The following BTK variants were observed in gnomAD, a reference collection of about 807,000 sequenced individuals.
BTK encodes tyrosine-protein kinase BTK.
In BTK, 5 loss-of-function variants were observed where a neutral mutation model predicts 57.4. That is an observed-to-expected ratio of 0.09 (90% CI 0.05 to 0.18). The LOEUF is 0.18. BTK is among the 10% of genes least tolerant of loss of function. The pLI is 1.00. For synonymous variants in BTK, 154 were observed against 174.3 expected (o/e 0.88, Z 0.92); for missense variants, 194 against 501.2 (o/e 0.39, Z 5.85).
intron 18 of BTK, among the ~76,000 whole-genome samples, chrX:101,352,126 G>T (rs1926308153): frequency 9.9e-6 from 1 of 100,994 alleles, no homozygotes; most frequent in African/African-American, 3.8e-5. Flanking sequence ...TCACGCCACT[G>T]CACTCCAGCC....
At chrX:101,375,352 A>G in intron 1 of BTK, 38 bp from the exon 2 acceptor site, 1 of 1,164,558 alleles carries the variant, frequency 8.6e-7, no homozygotes, top group Non-Finnish European at 1.2e-6. Flanking sequence ...CCAGGACATT[A>G]ATCCTCATCC....
chrX:101,376,115 A>G (rs956422303), intron 1 of BTK, among the ~76,000 whole-genome samples: 1 of 111,048 alleles, frequency 9.0e-6, no homozygotes, highest in African/African-American at 3.3e-5. Flanking sequence ...AACACAACTT[A>G]TTTAGCCTCC....
intron 7 of BTK, among the ~76,000 whole-genome samples, chrX:101,361,521 A>AAT: frequency 1.8e-5 from 2 of 110,690 alleles, no homozygotes; most frequent in Admixed American, 1.9e-4. Context: ...CCAAAAAAAA[A>AAT]AAAAAAACTT....
At chrX:101,390,480 C>T, upstream of BTK, 1 of 515,448 alleles carries the variant, frequency 1.9e-6, no homozygotes, top group South Asian at 2.5e-5. Context: ...TACTGTACCT[C>T]TCCCCCGGAA....
intron 16 of BTK, 99 bp from the exon 17 acceptor site, chrX:101,354,087 G>C (rs962742749): frequency 2.8e-5 from 18 of 633,619 alleles, no homozygotes; most frequent in South Asian, 9.1e-5. Context: ...ACACACACAG[G>C]CTTTCTCAAA....
intron 3 of BTK, among the ~76,000 whole-genome samples, chrX:101,372,650 T>C (rs555558064): frequency 9.3e-5 from 10 of 107,311 alleles, no homozygotes; most frequent in South Asian, 4.4e-4. Flanking sequence ...GGTTTCACCA[T>C]GTTGGTCAGG....
intron 9 of BTK, among the ~76,000 whole-genome samples, 192 bp from the exon 10 acceptor site, chrX:101,359,539 G>GGA (rs1321812608): frequency 4.9e-4 from 55 of 111,870 alleles, no homozygotes; most frequent in African/African-American, 1.7e-3. Flanking sequence ...TCATGGAAAT[G>GGA]GAGAGTAGCA....
Position 101,356,925 on chromosome X carries a change from G to A in BTK, c.1208C>T (p.Thr403Ile), listed in dbSNP as rs1169941199. ...GSWEIDPKDL[T>I]FLKELGTGQF... ...TCCAGTCCCCAGCTCCTTCAAGAAGGTCAGGTCCTTTGGATCAATTTCCCA... is the reference window on the plus strand; with the variant it reads ...TCCAGTCCCCAGCTCCTTCAAGAAGATCAGGTCCTTTGGATCAATTTCCCA... The change falls in exon 14 of 19, where the codon ACC becomes ATC. Residue 403 changes from threonine (T) to isoleucine (I), a missense_variant. By Grantham distance (89) the Thr-to-Ile change is moderately conservative. Transcript: ENST00000308731. The A allele has an allele frequency of 1.7e-6, 2 of 1,210,370 alleles. No individual in the cohort carries two copies. Among genetic ancestry groups the A allele is most frequent in the Admixed American group, 2.2e-5 (1 of 45,737 alleles).
At chrX:101,358,911 G>A (rs191579467) in intron 10 of BTK, among the ~76,000 whole-genome samples, 1 of 111,888 alleles carries the variant, frequency 8.9e-6, no homozygotes, top group African/African-American at 3.2e-5. Flanking sequence ...GCCGAGGTGG[G>A]CGGATCACCT....
intron 3 of BTK, among the ~76,000 whole-genome samples, chrX:101,372,375 C>A (rs782441376): frequency 5.4e-5 from 6 of 111,269 alleles, no homozygotes; most frequent in South Asian, 3.7e-4. Context: ...ATGGGCAATT[C>A]ACAAATAAAA....
chrX:101,364,892 C>T (rs1452861569), intron 5 of BTK, among the ~76,000 whole-genome samples: 1 of 110,810 alleles, frequency 9.0e-6, no homozygotes, highest in Non-Finnish European at 1.9e-5. Flanking sequence ...CAGGCACGCA[C>T]CACCAAGCCC....
chrX:101,360,021 AAT>A (rs199758498), intron 9 of BTK, 65 bp downstream of exon 9: 776 of 264,486 alleles, frequency 2.9e-3, no homozygotes, highest in Middle Eastern at 4.0e-3. Flanking sequence ...TAAATAAATA[AAT>A]ATATATATAT....
chrX:101,349,553 C>A lies in BTK; in HGVS notation c.*332G>T, dbSNP rs1050994676. The A allele has an allele frequency of 1.2e-4, 32 of 256,661 alleles. No individual in the cohort carries two copies. In the East Asian group the frequency reaches 1.8e-3, roughly 14 times the overall value. 21.2% of individuals were successfully genotyped at this position (256,661 alleles called of 1,213,427 possible). The stretch of plus-strand genomic sequence containing the variant: ...ATTCGGTCCACCCCCACACACACAC[C>A]CCCAAGCTCTACCAAATGCCTACTC... On this transcript the variant is annotated 3_prime_UTR_variant, in exon 19 of 19. Coordinates refer to ENST00000308731, the MANE Select transcript of BTK (RefSeq NM_000061.3).
At chrX:101,387,568 T>C (rs1927657382), upstream of BTK, among the ~76,000 whole-genome samples, 1 of 108,944 alleles carries the variant, frequency 9.2e-6, no homozygotes, top group African/African-American at 3.4e-5. Flanking sequence ...CCCAGGCTGG[T>C]CTCAAACTCC....
intron 1 of BTK, among the ~76,000 whole-genome samples, chrX:101,383,739 A>C (rs1603026197): frequency 9.0e-6 from 1 of 111,615 alleles, no homozygotes; most frequent in East Asian, 2.8e-4. Context: ...AATCCTAAAG[A>C]CATCTTGTGA....
At chrX:101,383,084 T>G (rs1763047227) in intron 1 of BTK, among the ~76,000 whole-genome samples, 2 of 111,986 alleles carry the variant, frequency 1.8e-5, no homozygotes, top group African/African-American at 6.5e-5. Context: ...AAAAAATCAT[T>G]CATAAACTCA....
Position 101,362,671 on chromosome X carries a change from T to C in BTK, c.410A>G (p.Asp137Gly), listed in dbSNP as rs782369365. The change falls in exon 6 of 19, where the codon GAT becomes GGT. Residue 137 changes from aspartate to glycine, a missense_variant. Transcript: ENST00000308731. ...QLKNVIRYNSDLVQKYHPCFW... is the reference protein window; with the variant it reads ...QLKNVIRYNSGLVQKYHPCFW... ...GCAAGGGTGATATTTCTGAACCAGA[T>C]CACTGTTGTACCGGATTACTGTAGC... 2 of 1,210,642 alleles carry C rather than the reference T, an allele frequency of 1.7e-6. No homozygotes were observed. Among genetic ancestry groups the C allele is most frequent in the African/African-American group, 3.5e-5 (2 of 57,378 alleles).
chrX:101,379,424 A>G (rs1555981481), intron 1 of BTK, among the ~76,000 whole-genome samples: 2 of 111,702 alleles, frequency 1.8e-5, no homozygotes, highest in African/African-American at 6.5e-5. Flanking sequence ...ATGGAATGGA[A>G]CTTCTGTTCC....
chrX:101,355,596 T>C (rs1329784509), intron 15 of BTK: 2 of 124,963 alleles, frequency 1.6e-5, no homozygotes, highest in Non-Finnish European at 3.3e-5. Flanking sequence ...TTTTTTTTTT[T>C]TAAGCGAAAT....
Sources: allele counts gnomAD v4.1 joint callset (sites outside exome capture counted in the v4.1 genomes callset), GRCh38; gene constraint gnomAD v4.1.1; transcripts MANE v1.5; gene names NCBI Gene and HGNC (gene_info 2026-07-23, HGNC 2026-07-21).